Variants in PPP3CA observed in about 807,000 individuals in gnomAD.
The protein encoded by PPP3CA is protein phosphatase 3 catalytic subunit alpha, also known as CAM-PRP catalytic subunit.
In PPP3CA, 14 loss-of-function variants were observed where a neutral mutation model predicts 66.5. The observed-to-expected ratio is 0.21, with a 90% CI of 0.14 to 0.33. The LOEUF is 0.33. Ranked by LOEUF, PPP3CA falls within the 10% of genes least tolerant of loss-of-function variation. The pLI, the probability that PPP3CA is intolerant of heterozygous loss-of-function variation, is 1.00. For missense variants in PPP3CA, 317 were observed against 639.5 expected, an observed-to-expected ratio of 0.50 and a Z score of 5.44; for synonymous variants, 232 against 226.2, an observed-to-expected ratio of 1.03 and a Z score of -0.23.
intron 1 of PPP3CA, among the ~76,000 whole-genome samples, chr4:101,235,121 G>T (rs1726085255): frequency 6.6e-6 from 1 of 151,630 alleles, no homozygotes; most frequent in Non-Finnish European, 1.5e-5. Flanking sequence ...TTCAAAATAA[G>T]ACTTTTTAAG....
intron 1 of PPP3CA, among the ~76,000 whole-genome samples, chr4:101,220,559 A>G (rs930572861): frequency 2.0e-5 from 3 of 151,678 alleles, no homozygotes; most frequent in African/African-American, 4.8e-5. Flanking sequence ...AGAAAAATAA[A>G]CTTATCTGGG....
In PPP3CA at chr4:101,347,201, A is replaced by C; in HGVS notation, c.-405T>G. 3 of 326,040 alleles carry C rather than the reference A, an allele frequency of 9.2e-6. No homozygotes were observed. Among genetic ancestry groups the C allele is most frequent in the Non-Finnish European group, 5.8e-6 (1 of 172,680 alleles). 20.2% of individuals were successfully genotyped at this position (326,040 alleles called of 1,614,324 possible). On this transcript the variant is annotated 5_prime_UTR_variant, in exon 1 of 14. Transcript: ENST00000394854. ...GGAATGGAGCCCCACGCGCGCACACACGGCCAGGATTAAGACCGATCACAT... is the reference window on the plus strand; with the variant it reads ...GGAATGGAGCCCCACGCGCGCACACCCGGCCAGGATTAAGACCGATCACAT...
At chr4:101,253,411 G>A (rs1240647840) in intron 1 of PPP3CA, among the ~76,000 whole-genome samples, 1 of 152,056 alleles carries the variant, frequency 6.6e-6, no homozygotes, top group African/African-American at 2.4e-5. Flanking sequence ...TGATAATACT[G>A]AAACTAAGAG....
chr4:101,323,489 T>G (rs1729104595), intron 1 of PPP3CA, among the ~76,000 whole-genome samples: 1 of 152,166 alleles, frequency 6.6e-6, no homozygotes, highest in Non-Finnish European at 1.5e-5. Flanking sequence ...CCCAATGTAA[T>G]GAGGAGTAAA....
chr4:101,106,804 A>G (rs1730776565), intron 3 of PPP3CA, among the ~76,000 whole-genome samples: 2 of 152,202 alleles, frequency 1.3e-5, no homozygotes, highest in African/African-American at 4.8e-5. Flanking sequence ...ATCTTGGGTT[A>G]CTAGTTTGTC....
intron 8 of PPP3CA, among the ~76,000 whole-genome samples, chr4:101,074,935 A>G (rs1013441573): frequency 2.0e-5 from 3 of 152,214 alleles, no homozygotes; most frequent in African/African-American, 7.2e-5. Flanking sequence ...TAATGGACTC[A>G]CAGCTCCACA....
chr4:101,203,014 A>G (rs976440980), intron 1 of PPP3CA, among the ~76,000 whole-genome samples: 1 of 152,186 alleles, frequency 6.6e-6, no homozygotes, highest in African/African-American at 2.4e-5. Context: ...ACATAAAAAT[A>G]TAGCAAAATA....
intron 11 of PPP3CA, 73 bp downstream of exon 11, chr4:101,040,409 T>A: frequency 9.6e-7 from 1 of 1,038,142 alleles, no homozygotes; most frequent in Non-Finnish European, 1.3e-6. Context: ...AATTACCAGA[T>A]GAAAGTATTA....
intron 10 of PPP3CA, among the ~76,000 whole-genome samples, chr4:101,045,531 C>T (rs1191730621): frequency 3.3e-5 from 5 of 152,044 alleles, no homozygotes; most frequent in East Asian, 1.9e-4. Flanking sequence ...GATAAATAAA[C>T]GCCAAAAAGA....
intron 1 of PPP3CA, among the ~76,000 whole-genome samples, chr4:101,205,397 T>A (rs1725099840): frequency 6.6e-6 from 1 of 152,170 alleles, no homozygotes; most frequent in Non-Finnish European, 1.5e-5. Flanking sequence ...AATCCTCAAC[T>A]CAACAGCCTA....
rs534710537 is a variant in PPP3CA at position 101,336,582 on chromosome 4, G to GAA, written c.58+10155_58+10156dup. Among the ~76,000 whole-genome samples the GAA allele has an allele frequency of 1.7e-4, 17 of 98,896 alleles. 1 individual carries two copies. The highest frequency in any genetic ancestry group is 1.4e-3 in the South Asian group (4 of 2,942). 64.9% of individuals were successfully genotyped at this position (98,896 alleles called of 152,430 possible). A position where few individuals can be genotyped will look rare whatever the true frequency, so the allele number is the denominator to read the frequency against. ...AGTGAAACTGTCTTAAAAAAAAAATGAAAAAAAAAAAAAAAGAAAGCTGTT... is the reference window on the plus strand; with the variant it reads ...AGTGAAACTGTCTTAAAAAAAAAATGAAAAAAAAAAAAAAAAAGAAAGCTGTT... On this transcript the variant is annotated intron_variant, in intron 1 of 13. Transcript: ENST00000394854.
chr4:101,340,420 A>AT (rs1251013451), intron 1 of PPP3CA, among the ~76,000 whole-genome samples: 2 of 152,060 alleles, frequency 1.3e-5, no homozygotes. Flanking sequence ...GAGGGCTTTT[A>AT]TTTTTTTAAT....
intron 2 of PPP3CA, among the ~76,000 whole-genome samples, chr4:101,124,731 GAAAGAAAGAAAGAAAGAAAGAA>G (rs1722171903): frequency 9.9e-5 from 6 of 60,524 alleles, no homozygotes; most frequent in East Asian, 4.7e-4. Flanking sequence ...GAAAGAGAAA[GAAAGAAAGAAAGAAAGAAAGAA>G]AGAAAGAAAG....
intron 1 of PPP3CA, among the ~76,000 whole-genome samples, chr4:101,210,889 T>C (rs1301131895): frequency 6.6e-6 from 1 of 152,188 alleles, no homozygotes; most frequent in African/African-American, 2.4e-5. Flanking sequence ...TATCATCCAA[T>C]TTCATGTTCT....
intron 2 of PPP3CA, among the ~76,000 whole-genome samples, chr4:101,188,474 A>G (rs556939066): frequency 6.6e-6 from 1 of 152,312 alleles, no homozygotes; most frequent in African/African-American, 2.4e-5. Context: ...GTCATTGTAT[A>G]ATCAGTATAA....
At chr4:101,120,453 T>A in intron 2 of PPP3CA, among the ~76,000 whole-genome samples, 1 of 152,062 alleles carries the variant, frequency 6.6e-6, no homozygotes, top group Non-Finnish European at 1.5e-5. Flanking sequence ...GGTTTAGGCC[T>A]TAGGTCTCCC....
At chr4:101,093,976 A>T in intron 5 of PPP3CA, 61 bp from the exon 6 acceptor site, 1 of 1,490,018 alleles carries the variant, frequency 6.7e-7, no homozygotes, top group Non-Finnish European at 9.0e-7. Flanking sequence ...AATTCTGACA[A>T]TACAAGAAAC....
chr4:101,205,890 T>C (rs1306783877), intron 1 of PPP3CA, among the ~76,000 whole-genome samples: 1 of 152,204 alleles, frequency 6.6e-6, no homozygotes, highest in Non-Finnish European at 1.5e-5. Flanking sequence ...GCATCTTGTA[T>C]CTGTGACCAC....
intron 3 of PPP3CA, among the ~76,000 whole-genome samples, chr4:101,101,522 A>T (rs911060129): frequency 1.3e-5 from 2 of 152,202 alleles, no homozygotes; most frequent in Admixed American, 6.5e-5. Flanking sequence ...ATGGATATGA[A>T]AACTCCTTTA....
Sources: gnomAD v4.1 joint callset for allele counts (sites outside exome capture counted in the v4.1 genomes callset) on GRCh38, gnomAD v4.1.1 for gene constraint, MANE v1.5 for transcripts, NCBI Gene and HGNC (gene_info 2026-07-23, HGNC 2026-07-21) for gene names.